GRID2: variants seen among roughly 807,000 people sequenced by gnomAD.
GRID2 encodes the protein glutamate ionotropic receptor delta type subunit 2, also known as glutamate receptor ionotropic, delta-2.
GRID2 carries 33 observed loss-of-function variants against 114.8 expected under a neutral mutation model. The ratio of observed to expected loss-of-function variants is 0.29; its 90% CI spans 0.22 to 0.38. GRID2 has a LOEUF of 0.38. Among genes scored for constraint, GRID2 ranks in the 10% least tolerant of loss-of-function variants. GRID2 has a pLI of 1.00. For missense variants in GRID2, 1,184 were observed against 1,257.7 expected (o/e 0.94, Z 0.89); for synonymous variants, 505 against 449.9 (o/e 1.12, Z -1.55).
intron 1 of GRID2, among the ~76,000 whole-genome samples, chr4:92,381,264 A>C (rs1729607322): frequency 6.6e-6 from 1 of 152,070 alleles, no homozygotes; most frequent in African/African-American, 2.4e-5. Flanking sequence ...CAAAATCTGA[A>C]GTTGGCAGTC....
intron 14 of GRID2, among the ~76,000 whole-genome samples, chr4:93,707,952 G>A (rs1005344598): frequency 2.0e-5 from 3 of 151,776 alleles, no homozygotes; most frequent in African/African-American, 7.2e-5. Context: ...TGACCCCACT[G>A]ATCATTCAGG....
intron 2 of GRID2, among the ~76,000 whole-genome samples, chr4:92,854,340 C>A (rs1744030543): frequency 6.6e-6 from 1 of 152,036 alleles, no homozygotes; most frequent in South Asian, 2.1e-4. Context: ...ATATAACTGT[C>A]TTCTTTTTCC....
intron 2 of GRID2, among the ~76,000 whole-genome samples, chr4:92,891,387 G>A (rs1746772513): frequency 1.3e-5 from 2 of 152,238 alleles, no homozygotes; most frequent in African/African-American, 4.8e-5. Flanking sequence ...TAAGAATTTA[G>A]ACATGATCTC....
chr4:93,484,110 G>T (rs924877294), intron 11 of GRID2, among the ~76,000 whole-genome samples: 6 of 151,556 alleles, frequency 4.0e-5, no homozygotes, highest in African/African-American at 1.5e-4. Flanking sequence ...CTTTTATTTA[G>T]TTTTTAATTG....
chr4:93,455,390 A>G (rs780644386), intron 10 of GRID2, among the ~76,000 whole-genome samples: 50 of 152,196 alleles, frequency 3.3e-4, no homozygotes, highest in Admixed American at 1.0e-3. Context: ...TCCCTGTGTT[A>G]TCTGTGTCTG....
chr4:92,754,580 A>T (rs1236215821), intron 2 of GRID2, among the ~76,000 whole-genome samples: 2 of 152,174 alleles, frequency 1.3e-5, no homozygotes, highest in Non-Finnish European at 2.9e-5. Context: ...ATGAATTATT[A>T]TAATTAAACC....
intron 2 of GRID2, among the ~76,000 whole-genome samples, chr4:92,607,592 A>G (rs1243939237): frequency 1.3e-5 from 2 of 151,880 alleles, no homozygotes; most frequent in East Asian, 3.9e-4. Flanking sequence ...GTTACAACAG[A>G]CCTGTTTGCA....
chr4:92,437,791 A>C, intron 1 of GRID2, among the ~76,000 whole-genome samples: 1 of 152,224 alleles, frequency 6.6e-6, no homozygotes, highest in East Asian at 1.9e-4. Flanking sequence ...AGGCTCCAAT[A>C]AATTGGATTG....
chr4:92,450,391 C>T (rs1388198395), intron 1 of GRID2, among the ~76,000 whole-genome samples: 1 of 151,754 alleles, frequency 6.6e-6, no homozygotes, highest in Non-Finnish European at 1.5e-5. Context: ...GATAAGACCT[C>T]GAAGGAACAG....
At chr4:92,340,339 G>C (rs761490653) in intron 1 of GRID2, among the ~76,000 whole-genome samples, 2 of 152,132 alleles carry the variant, frequency 1.3e-5, no homozygotes, top group Admixed American at 1.3e-4. Flanking sequence ...TTTCCCGCAT[G>C]AGTGTCCCAA....
chr4:92,444,802 A>G (rs773892198), intron 1 of GRID2, among the ~76,000 whole-genome samples: 6 of 152,288 alleles, frequency 3.9e-5, no homozygotes, highest in Admixed American at 6.5e-5. Context: ...GTTTACTTAG[A>G]TGTTTATTTT....
intron 7 of GRID2, among the ~76,000 whole-genome samples, chr4:93,225,741 C>T (rs1042188897): frequency 6.6e-6 from 1 of 152,132 alleles, no homozygotes; most frequent in Admixed American, 6.5e-5. Context: ...TAGAGAATAG[C>T]CTGGATCTTT....
At chr4:93,769,066 A>G in intron 14 of GRID2, 144 bp from the exon 15 acceptor site, 2 of 724,300 alleles carry the variant, frequency 2.8e-6, no homozygotes, top group South Asian at 1.8e-5. Context: ...GTTTCCTAGC[A>G]TTCCATCTAA....
At chr4:93,648,990 G>T (rs1367748958) in intron 14 of GRID2, among the ~76,000 whole-genome samples, 3 of 152,128 alleles carry the variant, frequency 2.0e-5, no homozygotes, top group Non-Finnish European at 4.4e-5. Flanking sequence ...TAGCACAAAG[G>T]ATAGATACTT....
intron 2 of GRID2, among the ~76,000 whole-genome samples, chr4:92,705,756 A>G (rs1345462036): frequency 1.3e-5 from 2 of 152,172 alleles, no homozygotes; most frequent in Non-Finnish European, 2.9e-5. Flanking sequence ...AGGTTGCCTC[A>G]AAGTTGGTTT....
At chr4:93,661,436 G>T (rs1316159883) in intron 14 of GRID2, among the ~76,000 whole-genome samples, 1 of 152,150 alleles carries the variant, frequency 6.6e-6, no homozygotes, top group Non-Finnish European at 1.5e-5. Flanking sequence ...CTGAAGTGCT[G>T]TCTGATACTC....
chr4:93,325,811 G>GT (rs1195346570), intron 8 of GRID2, among the ~76,000 whole-genome samples: 1 of 151,674 alleles, frequency 6.6e-6, no homozygotes, highest in African/African-American at 2.4e-5. Flanking sequence ...GTTCACTTTT[G>GT]TTTTTTTGCT....
chr4:93,017,823 G>A (rs373771933), intron 2 of GRID2, among the ~76,000 whole-genome samples: 53 of 118,154 alleles, frequency 4.5e-4, no homozygotes, highest in East Asian at 1.1e-3. Context: ...AAAAAAAAAA[G>A]AAAAGAAAAG....
intron 2 of GRID2, among the ~76,000 whole-genome samples, chr4:92,669,245 A>T (rs1732933607): frequency 6.6e-6 from 1 of 151,926 alleles, no homozygotes; most frequent in Admixed American, 6.6e-5. Context: ...AAACTTAAAG[A>T]CATTGAATAC....
Sources: allele counts gnomAD v4.1 joint callset (sites outside exome capture counted in the v4.1 genomes callset), GRCh38; gene constraint gnomAD v4.1.1; transcripts MANE v1.5; gene names NCBI Gene and HGNC (gene_info 2026-07-23, HGNC 2026-07-21).